Variants in ITPR1 observed in about 807,000 individuals in gnomAD.
ITPR1 encodes the protein inositol 1,4,5-trisphosphate-gated calcium channel ITPR1.
In ITPR1, 96 loss-of-function variants were observed where a neutral mutation model predicts 318.4. The ratio of observed to expected loss-of-function variants is 0.30; its 90% CI spans 0.26 to 0.36. The LOEUF (loss-of-function observed/expected upper bound fraction) is 0.36, where lower values mean the gene tolerates loss of function less well. ITPR1 is among the 10% of genes least tolerant of loss of function. ITPR1 has a pLI of 1.00. For missense variants in ITPR1, 2,440 were observed against 3,460.2 expected, an observed-to-expected ratio of 0.71 and a Z score of 7.40; for synonymous variants, 1,312 against 1,289.9, an observed-to-expected ratio of 1.02 and a Z score of -0.37.
intron 4 of ITPR1, among the ~76,000 whole-genome samples, chr3:4,590,528 A>C (rs1376609311): frequency 6.7e-6 from 1 of 149,446 alleles, no homozygotes; most frequent in Non-Finnish European, 1.5e-5. Context: ...CTTCTTAATA[A>C]TAATAATAAT....
At chr3:4,724,558 C>T (rs1242108092) in intron 40 of ITPR1, 1 of 152,238 alleles carries the variant, frequency 6.6e-6, no homozygotes, top group Non-Finnish European at 1.5e-5. Context: ...TGGCCTCAGA[C>T]TACACCTCAC....
chr3:4,532,931 G>A lies in ITPR1; in HGVS notation c.163+11837G>A, dbSNP rs184733312. ...TACTGAGTTTCCCCCGATTCAAAGA[G>A]GGCTGACCATCTGTCGGGGATTTTG... On this transcript the variant is annotated intron_variant, in intron 4 of 61. Coordinates refer to ENST00000649015, the MANE Select transcript of ITPR1 (RefSeq NM_001378452.1). Among the ~76,000 whole-genome samples, 604 of 151,938 alleles carry A rather than the reference G, an allele frequency of 4.0e-3. 4 individuals are homozygous for A. Among genetic ancestry groups the A allele is most frequent in the Non-Finnish European group, 5.3e-3 (363 of 68,028 alleles).
chr3:4,557,246 G>A (rs914589848), intron 4 of ITPR1, among the ~76,000 whole-genome samples: 1 of 152,214 alleles, frequency 6.6e-6, no homozygotes, highest in African/African-American at 2.4e-5. Flanking sequence ...AAGGAAATAA[G>A]ACACATCTTA....
At chr3:4,532,768 C>G (rs1462706587) in intron 4 of ITPR1, among the ~76,000 whole-genome samples, 1 of 152,194 alleles carries the variant, frequency 6.6e-6, no homozygotes, top group Non-Finnish European at 1.5e-5. Flanking sequence ...CTATAGAAGA[C>G]AGATGTTCTG....
In ITPR1 at chr3:4,601,628, T is replaced by C. The variant is rs182839537; in HGVS notation, c.164-26135T>C. On this transcript the variant is annotated intron_variant, in intron 4 of 61. Coordinates refer to ENST00000649015, the MANE Select transcript of ITPR1 (RefSeq NM_001378452.1). Reference sequence around the variant, plus strand: ...CTAGAAGAAAACATAGGTGTAAATCTTCATGGTCCTGAATTGGGTGACAGG... The same window carrying C: ...CTAGAAGAAAACATAGGTGTAAATCCTCATGGTCCTGAATTGGGTGACAGG... Among the ~76,000 whole-genome samples, 17 of 152,332 alleles carry C rather than the reference T, an allele frequency of 1.1e-4. No individual in the cohort carries two copies. In the East Asian group the frequency reaches 3.1e-3, roughly 28 times the overall value.
At chr3:4,557,423 G>A (rs2086238195) in intron 4 of ITPR1, among the ~76,000 whole-genome samples, 1 of 152,152 alleles carries the variant, frequency 6.6e-6, no homozygotes, top group Admixed American at 6.5e-5. Flanking sequence ...AGTTATGGGA[G>A]CTACAATTCA....
At chr3:4,676,997 C>T (rs2094198352) in intron 24 of ITPR1, among the ~76,000 whole-genome samples, 196 bp downstream of exon 24, 3 of 152,172 alleles carry the variant, frequency 2.0e-5, no homozygotes, top group African/African-American at 2.4e-5. Flanking sequence ...CCAACATGGC[C>T]ATGTCCCTCC....
At chr3:4,802,876 A>T (rs547412095) in intron 54 of ITPR1, among the ~76,000 whole-genome samples, 23 of 152,088 alleles carry the variant, frequency 1.5e-4, no homozygotes, top group African/African-American at 5.5e-4. Context: ...AGAAAGAGAG[A>T]TGAGGAAATA....
intron 57 of ITPR1, 100 bp from the exon 58 acceptor site, chr3:4,814,323 G>T (rs951219484): frequency 3.2e-6 from 4 of 1,237,746 alleles, no homozygotes; most frequent in Admixed American, 3.4e-5. Context: ...TTATTCTTTC[G>T]TGTGCCTGGT....
intron 2 of ITPR1, among the ~76,000 whole-genome samples, chr3:4,505,016 G>A (rs903040129): frequency 4.7e-5 from 7 of 150,054 alleles, no homozygotes; most frequent in African/African-American, 1.2e-4. Flanking sequence ...TCGGCCCATC[G>A]TTAACCTGCC....
At position 4,771,247 on chromosome 3, in the gene ITPR1, A is replaced by G. The variant is rs182877202; in HGVS notation, c.5979+2483A>G. Among the ~76,000 whole-genome samples, 399 of 152,260 alleles carry G rather than the reference A, an allele frequency of 2.6e-3. 3 individuals carry two copies. The highest frequency in any genetic ancestry group is 3.1e-3 in the South Asian group (15 of 4,822). On this transcript the variant is annotated intron_variant, in intron 46 of 61. Coordinates refer to ENST00000649015, the MANE Select transcript of ITPR1 (RefSeq NM_001378452.1). Reference sequence around the variant, plus strand: ...CTAGGGTAGCAGCCACTTGAACTGAATGGAAGCAGCCACTCCTTAGAAGAG... The same window carrying G: ...CTAGGGTAGCAGCCACTTGAACTGAGTGGAAGCAGCCACTCCTTAGAAGAG...
At chr3:4,575,349 A>T (rs773964130) in intron 4 of ITPR1, among the ~76,000 whole-genome samples, 2 of 152,226 alleles carry the variant, frequency 1.3e-5, no homozygotes, top group Non-Finnish European at 2.9e-5. Flanking sequence ...ATAAGGATTT[A>T]TATGAGGAAA....
At position 4,645,334 on chromosome 3, in the gene ITPR1, G is replaced by T; in HGVS notation, c.625-53G>T. On this transcript the variant is annotated intron_variant, in intron 8 of 61. Coordinates refer to ENST00000649015, the MANE Select transcript of ITPR1 (RefSeq NM_001378452.1). ...GCGGTGAGAAGTCTGGGGGCTGGAT[G>T]ACACAGTTGTTGTGAGGGGTACGTG... The T allele has an allele frequency of 2.4e-6, 3 of 1,234,504 alleles. No individual in the cohort carries two copies. In the South Asian group the frequency reaches 3.7e-5, roughly 15 times the overall value. The allele number at this position is 1,234,504 out of a possible 1,614,324, so 76.5% of individuals were successfully genotyped here. A position where few individuals can be genotyped will look rare whatever the true frequency, so the allele number is the denominator to read the frequency against.
At chr3:4,821,560 GAA>G (rs2049720379) in intron 60 of ITPR1, among the ~76,000 whole-genome samples, 1 of 152,234 alleles carries the variant, frequency 6.6e-6, no homozygotes, top group East Asian at 1.9e-4. Flanking sequence ...GACTTGGAAA[GAA>G]TGACATTTGA....
chr3:4,729,048 T>C (rs2042724226), intron 42 of ITPR1, among the ~76,000 whole-genome samples: 1 of 146,666 alleles, frequency 6.8e-6, no homozygotes, highest in Non-Finnish European at 1.5e-5. Flanking sequence ...TTTAGAATTG[T>C]CCTAGGTCCT....
intron 4 of ITPR1, among the ~76,000 whole-genome samples, chr3:4,557,276 G>A (rs764967973): frequency 2.0e-5 from 3 of 152,196 alleles, no homozygotes; most frequent in South Asian, 2.1e-4. Flanking sequence ...AGGCAAGAGA[G>A]AGCAGGTGCA....
At chr3:4,726,657 A>G (rs1330844639) in intron 41 of ITPR1, among the ~76,000 whole-genome samples, 2 of 152,182 alleles carry the variant, frequency 1.3e-5, no homozygotes, top group Non-Finnish European at 2.9e-5. Flanking sequence ...GTTTTGTTAC[A>G]AGACTTGTGT....
chr3:4,710,861 G>A lies in ITPR1; in HGVS notation c.4991+388G>A, dbSNP rs2041303636. 6.6e-6 allele frequency among the ~76,000 whole-genome samples: 1 copy of A among 152,050 alleles called. No individual in the cohort carries two copies. The highest frequency in any genetic ancestry group is 2.4e-5 in the African/African-American group (1 of 41,382). ...ATAATTTTGTAATTTCTTAGTTTAT[G>A]CCTTGTGCGTAATCTGTAAGCAACA... On this transcript the variant is annotated intron_variant, in intron 38 of 61. Coordinates refer to ENST00000649015, the MANE Select transcript of ITPR1 (RefSeq NM_001378452.1). The surrounding 1 kb of genome is among the most constrained non-coding windows in gnomAD (Gnocchi z 4.2).
rs575026908 is a variant in ITPR1, at chr3:4,601,695, T to G, written c.164-26068T>G. ...AACAGCATAAGCAATAAAAGAAAAT[T>G]AGATAAATTGCACTTCGTCAAAATT... On this transcript the variant is annotated intron_variant, in intron 4 of 61. Coordinates refer to ENST00000649015, the MANE Select transcript of ITPR1 (RefSeq NM_001378452.1). Among the ~76,000 whole-genome samples, 5 of 152,214 alleles carry G rather than the reference T, an allele frequency of 3.3e-5. No homozygotes were observed. The East Asian group carries it at 9.7e-4, about 29-fold the overall frequency.
Sources: gnomAD v4.1 joint callset for allele counts (sites outside exome capture counted in the v4.1 genomes callset) on GRCh38, gnomAD v4.1.1 for gene constraint, Gnocchi (gnomAD v3.1) non-coding constraint, MANE v1.5 for transcripts, NCBI Gene and HGNC (gene_info 2026-07-23, HGNC 2026-07-21) for gene names.